Variants in SPICE1 observed in about 807,000 individuals in gnomAD.
The protein encoded by SPICE1 is spindle and centriole-associated protein 1.
In SPICE1, 75 loss-of-function variants were observed where a neutral mutation model predicts 102.7. The observed-to-expected ratio is 0.73, with a 90% CI of 0.61 to 0.88. SPICE1 has a LOEUF of 0.88. Among genes scored for constraint, SPICE1 ranks in the 40% least tolerant of loss-of-function variants. SPICE1 has a pLI of 0.00. For synonymous variants in SPICE1, 308 were observed against 350.3 expected, an observed-to-expected ratio of 0.88 and a Z score of 1.35; for missense variants, 979 against 1,020.1, an observed-to-expected ratio of 0.96 and a Z score of 0.55.
intron 1 of SPICE1, among the ~76,000 whole-genome samples, chr3:113,509,949 T>C (rs575546079): frequency 3.9e-5 from 6 of 152,372 alleles, no homozygotes; most frequent in Non-Finnish European, 8.8e-5. Flanking sequence ...TTTGGCCTTC[T>C]GCCATAATTG....
chr3:113,504,616 C>T (rs927283376), intron 2 of SPICE1, among the ~76,000 whole-genome samples: 1 of 133,766 alleles, frequency 7.5e-6, no homozygotes, highest in African/African-American at 2.9e-5. Flanking sequence ...AAGAAAGGTA[C>T]AAGGTACAAC....
chr3:113,493,363 C>T (rs369720049), intron 5 of SPICE1, 51 bp from the exon 6 acceptor site: 121 of 1,427,540 alleles, frequency 8.5e-5, no homozygotes, highest in Non-Finnish European at 1.1e-4. Context: ...ATTAACTTGA[C>T]TTCACAAGCT....
intron 7 of SPICE1, among the ~76,000 whole-genome samples, chr3:113,482,323 G>C (rs1291218593): frequency 6.6e-6 from 1 of 152,056 alleles, no homozygotes. Flanking sequence ...TTGTCAAATA[G>C]ATAGATTGCA....
At chr3:113,472,636 A>G (rs1936234289) in intron 7 of SPICE1, among the ~76,000 whole-genome samples, 2 of 152,132 alleles carry the variant, frequency 1.3e-5, no homozygotes, top group Admixed American at 6.5e-5. Flanking sequence ...ACGAAAATCC[A>G]CTGTTCTGCA....
At chr3:113,505,313 TA>T (rs1285067191) in intron 2 of SPICE1, among the ~76,000 whole-genome samples, 2 of 143,088 alleles carry the variant, frequency 1.4e-5, no homozygotes, top group African/African-American at 2.7e-5. Flanking sequence ...TGTTATCACA[TA>T]TTTTTTTTTT....
chr3:113,445,945 C>T (rs764282561), intron 17 of SPICE1, among the ~76,000 whole-genome samples: 21 of 152,108 alleles, frequency 1.4e-4, no homozygotes, highest in Non-Finnish European at 2.4e-4. Context: ...TTAACTTTTA[C>T]AATTTTAAAG....
chr3:113,468,026 C>A lies in SPICE1; in HGVS notation c.1155+113G>T, dbSNP rs926212826. 5 of 1,381,746 alleles carry A rather than the reference C, an allele frequency of 3.6e-6. No homozygotes were observed. The African/African-American group carries it at 5.8e-5, about 16-fold the overall frequency. 85.6% of individuals were successfully genotyped at this position (1,381,746 alleles called of 1,614,324 possible). ...TAATCTAAAACTGAGGTATTTTAAACGAAGCTATTCAAATTTGACTGTACT... is the reference window on the plus strand; with the variant it reads ...TAATCTAAAACTGAGGTATTTTAAAAGAAGCTATTCAAATTTGACTGTACT... On this transcript the variant is annotated intron_variant, in intron 10 of 17. Transcript: ENST00000295872.
chr3:113,475,051 A>G (rs1271053079), intron 7 of SPICE1, among the ~76,000 whole-genome samples: 2 of 152,106 alleles, frequency 1.3e-5, no homozygotes, highest in Non-Finnish European at 2.9e-5. Flanking sequence ...ATTAATAAAA[A>G]AGAAAAGAAA....
intron 7 of SPICE1, among the ~76,000 whole-genome samples, chr3:113,485,167 G>GT (rs767458439): frequency 1.4e-5 from 2 of 147,188 alleles, no homozygotes; most frequent in African/African-American, 5.1e-5. Flanking sequence ...AGCTGCAGGA[G>GT]TTTTGTTTGT....
At chr3:113,454,434 C>T (rs1427190822) in intron 13 of SPICE1, among the ~76,000 whole-genome samples, 6 of 152,014 alleles carry the variant, frequency 3.9e-5, no homozygotes, top group African/African-American at 7.3e-5. Context: ...TTTGGCCGGG[C>T]GCGGTGGCTC....
chr3:113,444,761 A>G lies in SPICE1; in HGVS notation c.*546T>C, dbSNP rs1935473512. 1 of 152,196 alleles carries G rather than the reference A, an allele frequency of 6.6e-6. No homozygotes were observed. The highest frequency in any genetic ancestry group is 1.5e-5 in the Non-Finnish European group (1 of 68,042). The allele number at this position is 152,196 out of a possible 1,614,324, so 9.4% of individuals were successfully genotyped here. ...CTTACCTGCTTAAGCAAATATAAAC[A>G]AACACTCCCAGGCCTATTGTTTTTA... On this transcript the variant is annotated 3_prime_UTR_variant, in exon 18 of 18. Coordinates refer to ENST00000295872, the MANE Select transcript of SPICE1 (RefSeq NM_144718.4).
In SPICE1 at chr3:113,475,566, C is replaced by T. The variant is rs1394913112; in HGVS notation, c.612-6328G>A. On this transcript the variant is annotated intron_variant, in intron 7 of 17. Coordinates refer to ENST00000295872, the MANE Select transcript of SPICE1 (RefSeq NM_144718.4). ...TACTGGCAAACCGAATCCAGCAGCA[C>T]ATCAAAAAGTTTATCCACCATGATC... Among the ~76,000 whole-genome samples the T allele has an allele frequency of 5.3e-5, 8 of 152,140 alleles. No individual in the cohort carries two copies. In the South Asian group the frequency reaches 1.2e-3, roughly 24 times the overall value.
Position 113,446,658 on chromosome 3 carries a change from A to G in SPICE1, c.2445T>C (p.Gly815=), listed in dbSNP as rs200831295. ...INTRRSSGAT[G]NSCSPLNATS... is the part of the protein sequence containing the mutation. ...TGGCATTTAGTGGAGAACAAGAATT[A>G]CCAGTAGCCCCGGAAGATCTATTCA... The change falls in exon 17 of 18, where the codon GGT becomes GGC. Residue 815 remains glycine (G), a synonymous_variant. Coordinates refer to ENST00000295872, the MANE Select transcript of SPICE1 (RefSeq NM_144718.4). 1 of 1,613,460 alleles carries G rather than the reference A, an allele frequency of 6.2e-7. No individual in the cohort carries two copies. Among genetic ancestry groups the G allele is most frequent in the East Asian group, 2.2e-5 (1 of 44,858 alleles).
intron 17 of SPICE1, among the ~76,000 whole-genome samples, chr3:113,445,913 T>G (rs575346570): frequency 2.6e-5 from 4 of 152,310 alleles, no homozygotes; most frequent in Non-Finnish European, 5.9e-5. Flanking sequence ...TGTCAGACAC[T>G]TATTGGCTCA....
At chr3:113,491,647 A>AAAAAAAAAAAAAC (rs1936771611) in intron 6 of SPICE1, among the ~76,000 whole-genome samples, 1 of 150,274 alleles carries the variant, frequency 6.7e-6, no homozygotes, top group African/African-American at 2.5e-5. Flanking sequence ...AAAAAAAAAA[A>AAAAAAAAAAAAAC]AAGATTATCT....
chr3:113,485,072 C>T (rs1936611881), intron 7 of SPICE1, among the ~76,000 whole-genome samples: 1 of 152,082 alleles, frequency 6.6e-6, no homozygotes, highest in Non-Finnish European at 1.5e-5. Context: ...ACCCGCAGGC[C>T]AAGAGACTCC....
intron 9 of SPICE1, 112 bp from the exon 10 acceptor site, chr3:113,468,516 G>A (rs1458106926): frequency 9.5e-6 from 12 of 1,258,566 alleles, no homozygotes; most frequent in African/African-American, 1.5e-5. Context: ...TTGTATAGAC[G>A]ATATCACCAT....
rs142862914 is a variant in SPICE1, at chr3:113,504,285, T to C, written c.100-1058A>G. Among the ~76,000 whole-genome samples, 289 of 152,236 alleles carry C rather than the reference T, an allele frequency of 1.9e-3. 2 individuals are homozygous for C. Among genetic ancestry groups the C allele is most frequent in the Non-Finnish European group, 3.5e-3 (236 of 68,012 alleles). ...TACACAGATTTGGTAAGGCAGGAAA[T>C]AAAACAAGTTAGTTTTACTTCTAAG... On this transcript the variant is annotated intron_variant, in intron 2 of 17. Coordinates refer to ENST00000295872, the MANE Select transcript of SPICE1 (RefSeq NM_144718.4).
At chr3:113,514,645 C>T in intron 1 of SPICE1, 1 of 575,302 alleles carries the variant, frequency 1.7e-6, no homozygotes, top group South Asian at 1.5e-5. Flanking sequence ...TCCACGGACT[C>T]CTCAAAACTC....
Sources: allele counts gnomAD v4.1 joint callset (sites outside exome capture counted in the v4.1 genomes callset), GRCh38; gene constraint gnomAD v4.1.1; transcripts MANE v1.5; gene names NCBI Gene and HGNC (gene_info 2026-07-23, HGNC 2026-07-21).